Variants in MTCL1 observed in about 807,000 individuals in gnomAD.
MTCL1 encodes microtubule crosslinking factor 1, also known as microtubule cross-linking factor 1.
A neutral mutation model predicts 141.4 loss-of-function variants in MTCL1; 79 were observed. The ratio of observed to expected loss-of-function variants is 0.56; its 90% CI spans 0.47 to 0.67. The LOEUF (loss-of-function observed/expected upper bound fraction) is 0.67. MTCL1 is among the 30% of genes least tolerant of loss of function. The pLI is 0.00. For synonymous variants in MTCL1, 914 were observed against 875.8 expected (o/e 1.04, Z -0.77); for missense variants, 2,177 against 2,113.9 (o/e 1.03, Z -0.59).
chr18:8,775,792 T>G (rs981436484), intron 4 of MTCL1, among the ~76,000 whole-genome samples: 11 of 152,112 alleles, frequency 7.2e-5, no homozygotes, highest in African/African-American at 2.7e-4. Flanking sequence ...CCTTTGTTAG[T>G]CAGGGAGCCT....
At chr18:8,818,128 G>A (rs898943481) in intron 12 of MTCL1, among the ~76,000 whole-genome samples, 5 of 152,182 alleles carry the variant, frequency 3.3e-5, no homozygotes, top group South Asian at 2.1e-4. Flanking sequence ...CCCACTAGAC[G>A]GCATGACTCC....
chr18:8,779,774 G>A lies in MTCL1; in HGVS notation c.417+1882G>A, dbSNP rs1053281268. Reference sequence around the variant, plus strand: ...GGTTGTTAAGTAGAAATGACAGCATGCTGTCATGCTGACAGCTTTTTTCTT... The same window carrying A: ...GGTTGTTAAGTAGAAATGACAGCATACTGTCATGCTGACAGCTTTTTTCTT... On this transcript the variant is annotated intron_variant, in intron 5 of 16. Transcript: ENST00000359865. This position sits in a 1 kb window ranked among gnomAD's most constrained non-coding sequence, Gnocchi z 4.1. Among the ~76,000 whole-genome samples the A allele has an allele frequency of 1.3e-5, 2 of 152,176 alleles. No homozygotes were observed. Among genetic ancestry groups the A allele is most frequent in the African/African-American group, 4.8e-5 (2 of 41,448 alleles).
At chr18:8,787,928 C>T (rs1299664858) in intron 7 of MTCL1, among the ~76,000 whole-genome samples, 2 of 152,184 alleles carry the variant, frequency 1.3e-5, no homozygotes, top group Non-Finnish European at 2.9e-5. Context: ...CGCCCTGTCC[C>T]TGGTGTGAAT....
At chr18:8,825,188 C>T in exon 15 of MTCL1, 3 of 1,582,302 alleles carry the variant, frequency 1.9e-6, no homozygotes, top group Non-Finnish European at 2.6e-6. Context: ...CGGGAGACAC[C>T]AAGGGAGGCC....
At chr18:8,801,846 G>A (rs1362266102) in intron 10 of MTCL1, 1 of 152,182 alleles carries the variant, frequency 6.6e-6, no homozygotes, top group African/African-American at 2.4e-5. Flanking sequence ...AGTGGCATTT[G>A]TGGAGACCAC....
intron 1 of MTCL1, 93 bp downstream of exon 1, chr18:8,706,806 C>T: frequency 5.3e-6 from 8 of 1,509,534 alleles, no homozygotes; most frequent in Non-Finnish European, 7.1e-6. Context: ...CGGGCCTGTC[C>T]AGCGCCTTCT....
chr18:8,800,387 G>A (rs138584881), intron 10 of MTCL1: 47 of 152,290 alleles, frequency 3.1e-4, no homozygotes, highest in African/African-American at 1.0e-3. Context: ...CATATGGAAC[G>A]TTCTCACAAT....
At chr18:8,797,029 C>A (rs1195571063) in intron 9 of MTCL1, among the ~76,000 whole-genome samples, 1 of 152,196 alleles carries the variant, frequency 6.6e-6, no homozygotes, top group Non-Finnish European at 1.5e-5. Flanking sequence ...ATATATGAAA[C>A]CAAGAATTCT....
chr18:8,751,638 T>C (rs1265724626), intron 4 of MTCL1, among the ~76,000 whole-genome samples: 1 of 152,220 alleles, frequency 6.6e-6, no homozygotes, highest in African/African-American at 2.4e-5. Context: ...GTGAATTTTC[T>C]CATTGGTCTG....
intron 13 of MTCL1, among the ~76,000 whole-genome samples, 188 bp downstream of exon 12, chr18:8,819,447 T>C (rs994925458): frequency 2.6e-5 from 4 of 152,204 alleles, no homozygotes; most frequent in African/African-American, 9.7e-5. Flanking sequence ...ATTAGCATGC[T>C]CTGCTGTCAG....
intron 4 of MTCL1, among the ~76,000 whole-genome samples, chr18:8,755,653 T>C (rs1425296110): frequency 1.3e-5 from 2 of 152,192 alleles, no homozygotes; most frequent in African/African-American, 4.8e-5. Flanking sequence ...ATCATGACTA[T>C]TTTTAGAGTC....
chr18:8,758,016 C>A (rs1339047697), intron 4 of MTCL1, among the ~76,000 whole-genome samples: 1 of 149,570 alleles, frequency 6.7e-6, no homozygotes, highest in Non-Finnish European at 1.5e-5. Context: ...GAGTAGCACC[C>A]AGTCTTTTTT....
chr18:8,786,542 T>C, intron 7 of MTCL1: 1 of 363,078 alleles, frequency 2.8e-6, no homozygotes, highest in Admixed American at 3.5e-5. Flanking sequence ...GTGACACTGC[T>C]GGCAGGTTGG....
At chr18:8,705,602 G>GCCGCCGCCGCCGCCA, upstream of MTCL1, 1 of 1,205,426 alleles carries the variant, frequency 8.3e-7, no homozygotes, top group Non-Finnish European at 1.0e-6. The surrounding 1 kb of genome is among the most constrained non-coding windows in gnomAD (Gnocchi z 5.2). Flanking sequence ...CGCCGCCGCC[G>GCCGCCGCCGCCGCCA]CCGCCGCCGT....
At chr18:8,825,008 C>T (rs1279775109) in exon 15 of MTCL1, 3 of 1,613,112 alleles carry the variant, frequency 1.9e-6, no homozygotes, top group Non-Finnish European at 2.5e-6. Flanking sequence ...TGACCACGGA[C>T]ACCATGACCA....
At chr18:8,730,393 C>T (rs540780692) in intron 4 of MTCL1, among the ~76,000 whole-genome samples, 3 of 152,130 alleles carry the variant, frequency 2.0e-5, no homozygotes, top group South Asian at 2.1e-4. Flanking sequence ...TTTATTTTTC[C>T]CTTGAGAAAG....
chr18:8,744,239 AG>A (rs1366151754), intron 4 of MTCL1, among the ~76,000 whole-genome samples: 1 of 152,230 alleles, frequency 6.6e-6, no homozygotes, highest in Non-Finnish European at 1.5e-5. Flanking sequence ...GTTAGCTGCC[AG>A]GTCTCCGGTT....
intron 7 of MTCL1, among the ~76,000 whole-genome samples, chr18:8,788,835 T>G: frequency 6.6e-6 from 1 of 152,166 alleles, no homozygotes; most frequent in East Asian, 1.9e-4. Flanking sequence ...AAAAATGAAC[T>G]GCTAAAAAAA....
At chr18:8,736,394 C>T (rs778008659) in intron 4 of MTCL1, among the ~76,000 whole-genome samples, 25 of 152,182 alleles carry the variant, frequency 1.6e-4, no homozygotes. Context: ...AATGTCATAG[C>T]TCAGCCTCGC....
Sources: allele counts gnomAD v4.1 joint callset (sites outside exome capture counted in the v4.1 genomes callset), GRCh38; gene constraint gnomAD v4.1.1; non-coding constraint Gnocchi (gnomAD v3.1); transcripts MANE v1.5; gene names NCBI Gene and HGNC (gene_info 2026-07-23, HGNC 2026-07-21).